The following RBM47 variants were observed in gnomAD, a reference collection of about 807,000 sequenced individuals.
The protein encoded by RBM47 is RNA-binding protein 47.
In RBM47, 21 loss-of-function variants were observed where a neutral mutation model predicts 47.1. The ratio of observed to expected loss-of-function variants is 0.45; its 90% CI spans 0.32 to 0.64. The LOEUF (loss-of-function observed/expected upper bound fraction) is 0.64, where lower values mean the gene tolerates loss of function less well. RBM47 is among the 30% of genes least tolerant of loss of function. RBM47 has a pLI of 0.05. For missense variants in RBM47, 708 were observed against 870.9 expected, an observed-to-expected ratio of 0.81 and a Z score of 2.35; for synonymous variants, 375 against 361.7, an observed-to-expected ratio of 1.04 and a Z score of -0.42.
chr4:40,611,412 A>G (rs965180091), intron 1 of RBM47, among the ~76,000 whole-genome samples: 1 of 152,130 alleles, frequency 6.6e-6, no homozygotes, highest in African/African-American at 2.4e-5. Flanking sequence ...AGTTGTTGCT[A>G]CTCAAAAGAA....
chr4:40,467,174 C>T (rs1230019102), intron 2 of RBM47, among the ~76,000 whole-genome samples: 3 of 152,168 alleles, frequency 2.0e-5, no homozygotes, highest in African/African-American at 4.8e-5. Context: ...TCAAACTCTT[C>T]CTGCAGGGTC....
chr4:40,629,273 T>C (rs1243272484), intron 1 of RBM47, 123 bp downstream of exon 1: 1 of 151,912 alleles, frequency 6.6e-6, no homozygotes, highest in Non-Finnish European at 1.5e-5. Context: ...AGAAGATGAG[T>C]GATAGCATGA....
intron 3 of RBM47, among the ~76,000 whole-genome samples, chr4:40,457,829 T>A (rs2154222643): frequency 1.3e-5 from 2 of 152,306 alleles, no homozygotes; most frequent in Middle Eastern, 6.8e-3. Context: ...TCAAACAGAT[T>A]TAGAAAGTGA....
At chr4:40,508,997 C>A (rs148377543) in intron 2 of RBM47, among the ~76,000 whole-genome samples, 4,296 of 152,060 alleles carry the variant, frequency 0.028, 118 homozygotes, top group African/African-American at 0.065. Flanking sequence ...CCTGTCTCTA[C>A]TAAAAATACA....
chr4:40,616,282 A>G (rs1352628098), intron 1 of RBM47, among the ~76,000 whole-genome samples: 1 of 148,480 alleles, frequency 6.7e-6, no homozygotes, highest in Non-Finnish European at 1.5e-5. Flanking sequence ...TGAACCCGGG[A>G]GGCGGAGCTT....
chr4:40,440,156 T>C (rs1432280244), intron 3 of RBM47, among the ~76,000 whole-genome samples: 1 of 152,178 alleles, frequency 6.6e-6, no homozygotes, highest in Non-Finnish European at 1.5e-5. Context: ...GAAATCTATT[T>C]CATTTTTTGG....
At chr4:40,587,894 T>C (rs576066684) in intron 1 of RBM47, among the ~76,000 whole-genome samples, 1 of 152,230 alleles carries the variant, frequency 6.6e-6, no homozygotes, top group East Asian at 1.9e-4. Context: ...TTATAGTGAG[T>C]TGCTCAAGGC....
intron 2 of RBM47, chr4:40,542,915 A>C (rs62304569): frequency 0.16 from 23,822 of 152,106 alleles, 1,981 homozygotes; most frequent in East Asian, 0.22. Flanking sequence ...GTATTATTTA[A>C]TATCTTCTGT....
intron 1 of RBM47, among the ~76,000 whole-genome samples, chr4:40,576,361 G>A (rs539196224): frequency 2.2e-4 from 33 of 147,552 alleles, no homozygotes; most frequent in African/African-American, 7.6e-4. Flanking sequence ...TTGCTATGTC[G>A]CCCAGGCTGG....
At chr4:40,460,545 C>T (rs893962443) in intron 3 of RBM47, among the ~76,000 whole-genome samples, 1 of 152,154 alleles carries the variant, frequency 6.6e-6, no homozygotes, top group Non-Finnish European at 1.5e-5. Context: ...TGTGGTGGCT[C>T]ACGCCTGTAA....
chr4:40,549,016 T>C (rs1471154823), intron 1 of RBM47, among the ~76,000 whole-genome samples: 2 of 152,018 alleles, frequency 1.3e-5, no homozygotes, highest in African/African-American at 4.8e-5. Context: ...TAAGAAACTT[T>C]TAATTTCACT....
At chr4:40,602,598 A>G (rs1265840662) in intron 1 of RBM47, among the ~76,000 whole-genome samples, 1 of 150,230 alleles carries the variant, frequency 6.7e-6, no homozygotes, top group Non-Finnish European at 1.5e-5. Flanking sequence ...CAGTGAGCTG[A>G]GATCACACCA....
chr4:40,557,215 G>T (rs1730184222), intron 1 of RBM47, among the ~76,000 whole-genome samples: 1 of 152,128 alleles, frequency 6.6e-6, no homozygotes, highest in Non-Finnish European at 1.5e-5. Flanking sequence ...CCTCAGGGAA[G>T]CCTTCCCCAA....
At chr4:40,489,871 A>G (rs192551934) in intron 2 of RBM47, among the ~76,000 whole-genome samples, 107 of 152,318 alleles carry the variant, frequency 7.0e-4, no homozygotes, top group Non-Finnish European at 1.2e-3. Flanking sequence ...TGACAAATCA[A>G]TATGTCTTAT....
chr4:40,558,087 C>T (rs185010102), intron 1 of RBM47, among the ~76,000 whole-genome samples: 1 of 152,304 alleles, frequency 6.6e-6, no homozygotes, highest in Admixed American at 6.5e-5. Context: ...AATCTTTTTA[C>T]ACTGTTGCTT....
intron 1 of RBM47, among the ~76,000 whole-genome samples, chr4:40,570,698 T>A (rs1480699822): frequency 1.3e-5 from 2 of 151,962 alleles, no homozygotes; most frequent in Admixed American, 6.6e-5. Context: ...TAAATTTAAA[T>A]AAATACTGCA....
At chr4:40,613,908 G>C (rs2154279833) in intron 1 of RBM47, among the ~76,000 whole-genome samples, 1 of 151,500 alleles carries the variant, frequency 6.6e-6, no homozygotes. Context: ...TCTTTGTTTT[G>C]AGTGGTTCTC....
chr4:40,527,515 T>C (rs573204842), intron 2 of RBM47, among the ~76,000 whole-genome samples: 23 of 143,630 alleles, frequency 1.6e-4, no homozygotes, highest in Admixed American at 3.7e-4. Flanking sequence ...GGTCTTGAAC[T>C]CCTGACCTCA....
chr4:40,593,119 C>G (rs1171982167), intron 1 of RBM47, among the ~76,000 whole-genome samples: 9 of 145,918 alleles, frequency 6.2e-5, no homozygotes, highest in African/African-American at 2.3e-4. Flanking sequence ...CTCAGCCTCC[C>G]GAGTAGCTGG....
Sources: allele counts gnomAD v4.1 joint callset (sites outside exome capture counted in the v4.1 genomes callset), GRCh38; gene constraint gnomAD v4.1.1; transcripts MANE v1.5; gene names NCBI Gene and HGNC (gene_info 2026-07-23, HGNC 2026-07-21).